Variants in ATM observed in about 807,000 individuals in gnomAD.
ATM encodes the protein serine-protein kinase ATM.
Under a neutral mutation model 387.0 loss-of-function variants are expected in ATM, and 308 were observed. The observed-to-expected ratio is 0.80, with a 90% confidence interval of 0.73 to 0.87. ATM has a LOEUF of 0.87. ATM is among the 40% of genes least tolerant of loss of function. The pLI, the probability that ATM is intolerant of heterozygous loss-of-function variation, is 0.00. For missense variants in ATM, 3,312 were observed against 3,560.9 expected (o/e 0.93, Z 1.78); for synonymous variants, 1,156 against 1,187.3 (o/e 0.97, Z 0.54).
chr11:108,350,939 A>ACTCC (rs2089128694), intron 59 of ATM, among the ~76,000 whole-genome samples: 1 of 152,240 alleles, frequency 6.6e-6, no homozygotes, highest in Admixed American at 6.5e-5. Flanking sequence ...ACTCCAACAC[A>ACTCC]AATGCATACA....
At chr11:108,258,844 T>C in intron 15 of ATM, 142 bp from the exon 16 acceptor site, 2 of 671,956 alleles carry the variant, frequency 3.0e-6, no homozygotes, top group Non-Finnish European at 5.3e-6. Context: ...TAAGAAAAGA[T>C]GTGTTTTTGA....
chr11:108,256,236 G>C lies in ATM; in HGVS notation c.2146G>C (p.Val716Leu), dbSNP rs2135392524. ...TAAGATTACAAATTCAGAAACTCTT[G>C]TCCGGTGTTCACGTCTTTTGGTGGG... The part of the protein sequence containing the change: ...SSEITNSETL[V>L]RCSRLLVGVL... The change falls in exon 14 of 63, where the codon GTC becomes CTC. Residue 716 changes from valine to leucine, a missense_variant. Val to Leu is a conservative substitution (Grantham distance 32). This residue lies in a region of ATM where 1,791 missense variants were observed against 1,804.5 expected (regional missense o/e 0.99). Coordinates refer to ENST00000675843, the MANE Select transcript of ATM (RefSeq NM_000051.4). The C allele has an allele frequency of 6.2e-7, 1 of 1,607,906 alleles. No individual in the cohort carries two copies.
chr11:108,307,815 G>A lies in ATM; in HGVS notation c.5675-82G>A, dbSNP rs967296703. ...CCCACCAGAACCTTATAGCATAGTGGGAGACAGACACATAAACAAGAAGGA... is the reference window on the plus strand; with the variant it reads ...CCCACCAGAACCTTATAGCATAGTGAGAGACAGACACATAAACAAGAAGGA... On this transcript the variant is annotated intron_variant, in intron 37 of 62. Transcript: ENST00000675843. 6.3e-6 allele frequency: 8 copies of A among 1,267,722 alleles called. No homozygotes were observed. The African/African-American group carries it at 8.9e-5, about 14-fold the overall frequency. 78.5% of individuals were successfully genotyped at this position (1,267,722 alleles called of 1,614,324 possible).
In ATM at chr11:108,331,523, T is replaced by C. The variant is rs765654550; in HGVS notation, c.7595T>C (p.Met2532Thr). The C allele has an allele frequency of 1.9e-6, 3 of 1,613,360 alleles. No homozygotes were observed. Among genetic ancestry groups the C allele is most frequent in the South Asian group, 1.1e-5 (1 of 91,004 alleles). ...GCTGCTAGAATGGGGACCAAGATGA[T>C]GGGAGGCCTAGGATTTCATGAAGTC... Reference protein sequence around the residue: ...QLAARMGTKMMGGLGFHEVLN... With the variant: ...QLAARMGTKMTGGLGFHEVLN... Residue 2532 changes from methionine (M) to threonine (T), a missense_variant, in exon 51 of 63, where the codon ATG becomes ACG. Physicochemically the swap from Met to Thr is moderately conservative, Grantham distance 81. This residue lies in a region of ATM where 1,405 missense variants were observed against 1,604.4 expected (regional missense o/e 0.88). Transcript: ENST00000675843.
At position 108,249,043 on chromosome 11, in the gene ATM, C is replaced by T. The variant is rs1800727; in HGVS notation, c.1176C>T (p.Gly392=). Reference sequence around the variant, plus strand: ...GCAAAAGGAAGAAAATAGAACTAGGCTGGGAAGTAATAAAAGATCACCTTC... The same window carrying T: ...GCAAAAGGAAGAAAATAGAACTAGGTTGGGAAGTAATAAAAGATCACCTTC... ...VPCKRKKIEL[G]WEVIKDHLQK... The change falls in exon 9 of 63, where the codon GGC becomes GGT. Residue 392 remains glycine (G), a synonymous_variant. Transcript: ENST00000675843. 4 of 1,613,830 alleles carry T rather than the reference C, an allele frequency of 2.5e-6. No homozygotes were observed. The African/African-American group carries it at 4.0e-5, about 16-fold the overall frequency.
At chr11:108,249,145 T>G in intron 9 of ATM, 43 bp downstream of exon 9, 31 of 1,604,890 alleles carry the variant, frequency 1.9e-5, no homozygotes, top group South Asian at 3.3e-5. Context: ...TTTTAATCTC[T>G]TGTATGTTAT....
intron 32 of ATM, among the ~76,000 whole-genome samples, chr11:108,296,512 A>T (rs1399050539): frequency 6.6e-6 from 1 of 152,150 alleles, no homozygotes; most frequent in Admixed American, 6.5e-5. Flanking sequence ...TCGGCCTCCC[A>T]AAGTGCTGGG....
intron 6 of ATM, among the ~76,000 whole-genome samples, chr11:108,244,567 C>G (rs2135233014): frequency 6.6e-6 from 1 of 151,542 alleles, no homozygotes; most frequent in South Asian, 2.1e-4. Flanking sequence ...GGAGGGAGAG[C>G]TAACAGAAGT....
At chr11:108,339,219 G>A (rs1420661839) in intron 56 of ATM, among the ~76,000 whole-genome samples, 1 of 152,116 alleles carries the variant, frequency 6.6e-6, no homozygotes, top group African/African-American at 2.4e-5. Context: ...AAAGTATACT[G>A]AACAAGTCTA....
At chr11:108,293,894 AAT>A (rs1220002313) in intron 31 of ATM, among the ~76,000 whole-genome samples, 935 of 83,616 alleles carry the variant, frequency 0.011, 15 homozygotes, top group African/African-American at 0.035. Flanking sequence ...AAAAAAAAAA[AAT>A]ATATATATAT....
rs755369461 is a variant in ATM, at chr11:108,257,470, A to G, written c.2251-11A>G. 5.0e-6 allele frequency: 8 copies of G among 1,612,052 alleles called. No individual in the cohort carries two copies. The East Asian group carries it at 6.7e-5, about 13-fold the overall frequency. ...AACTGGAATTTGCATTTTTCCTTCT[A>G]TTCACAATAGTCTCTAATGCAATGT... is the stretch of plus-strand genomic sequence containing the variant. On this transcript the variant is annotated splice_polypyrimidine_tract_variant and intron_variant, in intron 14 of 62. Transcript: ENST00000675843.
chr11:108,229,925 C>G (rs953707984), intron 4 of ATM: 3 of 152,500 alleles, frequency 2.0e-5, no homozygotes, highest in African/African-American at 4.8e-5. Context: ...TCAAGCAGTC[C>G]TCCCCCTGCT....
chr11:108,364,523 A>T (rs1281505465), intron 61 of ATM, among the ~76,000 whole-genome samples: 2 of 152,186 alleles, frequency 1.3e-5, no homozygotes, highest in African/African-American at 4.8e-5. Context: ...GGTTTTGAGG[A>T]GGTTTCAACA....
At chr11:108,267,586 T>C (rs1478372278) in intron 17 of ATM, among the ~76,000 whole-genome samples, 2 of 152,050 alleles carry the variant, frequency 1.3e-5, no homozygotes, top group Non-Finnish European at 1.5e-5. Flanking sequence ...AGGCCAGGCA[T>C]GGTGGCTCAC....
chr11:108,327,587 C>A, intron 47 of ATM, 58 bp from the exon 48 acceptor site: 1 of 1,353,884 alleles, frequency 7.4e-7, no homozygotes, highest in Non-Finnish European at 1.1e-6. Context: ...ACATGAAGGG[C>A]AGTTGGGTAC....
At chr11:108,347,589 C>G (rs143336321) in intron 59 of ATM, among the ~76,000 whole-genome samples, 1 of 152,166 alleles carries the variant, frequency 6.6e-6, no homozygotes, top group East Asian at 1.9e-4. Flanking sequence ...TGAGCCTGGT[C>G]TTCAAGAAAG....
At chr11:108,257,366 T>G in intron 14 of ATM, 115 bp from the exon 15 acceptor site, 1 of 1,270,180 alleles carries the variant, frequency 7.9e-7, no homozygotes, top group Non-Finnish European at 1.1e-6. Context: ...TTTTTTCTCT[T>G]AAGTGCACTT....
intron 51 of ATM, 132 bp from the exon 52 acceptor site, chr11:108,331,746 CA>C: frequency 7.8e-7 from 1 of 1,282,576 alleles, no homozygotes; most frequent in Non-Finnish European, 1.1e-6. Context: ...CTTTTTCTCA[CA>C]CATGCAGGCA....
At chr11:108,325,918 A>AC in intron 46 of ATM, 140 bp from the exon 47 acceptor site, 1 of 1,028,198 alleles carries the variant, frequency 9.7e-7, no homozygotes, top group East Asian at 2.6e-5. Flanking sequence ...TGTCATGCAG[A>AC]CAGAGAGGTC....
Sources: gnomAD v4.1 joint callset for allele counts (sites outside exome capture counted in the v4.1 genomes callset) on GRCh38, gnomAD v4.1.1 for gene constraint, gnomAD v4.1.1 regional missense constraint, MANE v1.5 for transcripts, NCBI Gene and HGNC (gene_info 2026-07-23, HGNC 2026-07-21) for gene names.